The following ZDBF2 variants were observed in gnomAD, a reference collection of about 807,000 sequenced individuals.
ZDBF2 encodes zinc finger DBF-type containing 2.
In ZDBF2, 6 loss-of-function variants were observed where a neutral mutation model predicts 9.4. The ratio of observed to expected loss-of-function variants is 0.64; its 90% CI spans 0.35 to 1.27. The LOEUF (loss-of-function observed/expected upper bound fraction) is 1.27, where lower values mean the gene tolerates loss of function less well. Among genes scored for constraint, ZDBF2 ranks in the 50% most tolerant of loss-of-function variants. ZDBF2 has a pLI of 0.03. For missense variants in ZDBF2, 2,697 were observed against 2,766.8 expected (o/e 0.97, Z 0.57); for synonymous variants, 905 against 946.3 (o/e 0.96, Z 0.80).
At chr2:206,288,840 A>C (rs1401393652) in intron 3 of ZDBF2, among the ~76,000 whole-genome samples, 1 of 152,108 alleles carries the variant, frequency 6.6e-6, no homozygotes. Context: ...GTGTGGCTGC[A>C]GTTCAGAGCT....
rs1692233405 is a variant in ZDBF2 at position 206,297,281 on chromosome 2, A to G, written c.96A>G (p.Arg32=). 1.0e-5 allele frequency: 16 copies of G among 1,557,394 alleles called. No homozygotes were observed. The highest frequency in any genetic ancestry group is 1.4e-5 in the African/African-American group (1 of 73,810). Residue 32 remains arginine, a synonymous_variant, in exon 4 of 5, where the codon AGA becomes AGG. Transcript: ENST00000374423. ...LFSAQHRSLT[R]QSRRQICTSS... is the part of the protein sequence containing the mutation. ...GTGCTCAGCACAGGAGTTTGACCAG[A>G]CAGAGTAGACGTCAAATATGTACCA...
At chr2:206,299,119 A>T (rs531196720) in intron 4 of ZDBF2, among the ~76,000 whole-genome samples, 4 of 151,916 alleles carry the variant, frequency 2.6e-5, no homozygotes, top group African/African-American at 9.6e-5. Flanking sequence ...GACCTCAGGT[A>T]ATCTGCCTGC....
rs758097627 is a variant in ZDBF2 at position 206,305,896 on chromosome 2, C to T, written c.1368C>T (p.Asp456=). The change falls in exon 5 of 5, where the codon GAC becomes GAT. Residue 456 remains aspartate (D), a synonymous_variant. Transcript: ENST00000374423. ...CTAAAATAAGTTCTGATTGTGATGA[C>T]ATTCTTCACTTGGTTACCAACCAAT... The part of the protein sequence containing the change: ...YVSKISSDCD[D]ILHLVTNQSQ... The T allele has an allele frequency of 5.0e-6, 8 of 1,613,150 alleles. No individual in the cohort carries two copies. The Admixed American group carries it at 1.2e-4, about 24-fold the overall frequency.
intron 3 of ZDBF2, among the ~76,000 whole-genome samples, chr2:206,289,314 C>T (rs1691764681): frequency 6.6e-6 from 1 of 152,094 alleles, no homozygotes; most frequent in African/African-American, 2.4e-5. Context: ...TGTGACTACT[C>T]TGAATATGTA....
rs12620573 is a variant in ZDBF2 at position 206,296,294 on chromosome 2, T to A, written c.61-952T>A. ...TGAAATCCTTCGCTGCCACTCATTG[T>A]CCCACTCAGGACATGAATCATCCAT... On this transcript the variant is annotated intron_variant, in intron 3 of 4. Transcript: ENST00000374423. Among the ~76,000 whole-genome samples the A allele has an allele frequency of 2.0e-4, 31 of 152,348 alleles. 1 individual carries two copies. In the East Asian group the frequency reaches 5.8e-3, roughly 28 times the overall value.
chr2:206,304,683 AAT>A (rs1389239243), intron 4 of ZDBF2, 32 bp from the exon 5 acceptor site: 2 of 1,558,442 alleles, frequency 1.3e-6, no homozygotes, highest in African/African-American at 2.7e-5. Context: ...CAGACATTAG[AAT>A]ATGTTTATGA....
Position 206,301,114 on chromosome 2 carries a change from T to A in ZDBF2, c.189-3603T>A, listed in dbSNP as rs375184358. On this transcript the variant is annotated intron_variant, in intron 4 of 4. Coordinates refer to ENST00000374423, the MANE Select transcript of ZDBF2 (RefSeq NM_020923.3). ...CATATTATCTATTTTCAGGTAGAAC[T>A]TTTTTGTATACTGATTGGCCATATT... 1.9e-4 allele frequency among the ~76,000 whole-genome samples: 29 copies of A among 152,292 alleles called. No homozygotes were observed. In the South Asian group the frequency reaches 6.0e-3, roughly 32 times the overall value.
At chr2:206,288,762 C>T (rs1258864726) in intron 3 of ZDBF2, among the ~76,000 whole-genome samples, 1 of 152,120 alleles carries the variant, frequency 6.6e-6, no homozygotes, top group Non-Finnish European at 1.5e-5. Context: ...CCCTGAAGGG[C>T]AGGGCACAGC....
At chr2:206,292,264 C>G (rs73052138) in intron 3 of ZDBF2, 3 of 391,850 alleles carry the variant, frequency 7.7e-6, no homozygotes, top group Admixed American at 8.9e-5. Flanking sequence ...TAATTTTAGG[C>G]GTTGACAGTT....
Position 206,314,282 on chromosome 2 carries a change from G to GTTTTTTTTTTAT in ZDBF2, c.*2691_*2692insTTTTTTTTATTT, listed in dbSNP as rs1693304363. ...GTAACACTTTTTTTTTTTTTTTTTG[G>GTTTTTTTTTTAT]TTAAAGAAAAGCTATATTTAAATAT... On this transcript the variant is annotated 3_prime_UTR_variant, in exon 5 of 5. Coordinates refer to ENST00000374423, the MANE Select transcript of ZDBF2 (RefSeq NM_020923.3). 1.5e-5 allele frequency: 1 copy of GTTTTTTTTTTAT among 68,086 alleles called. No homozygotes were observed. The highest frequency in any genetic ancestry group is 3.6e-5 in the Non-Finnish European group (1 of 28,128). 4.2% of individuals were successfully genotyped at this position (68,086 alleles called of 1,614,324 possible).
In ZDBF2 at chr2:206,305,964, A is replaced by C. The variant is rs748183315; in HGVS notation, c.1436A>C (p.His479Pro). ...VKEISLQNARHISLVDQSYES... is the reference protein window; with the variant it reads ...VKEISLQNARPISLVDQSYES... The stretch of plus-strand genomic sequence containing the variant: ...GAAATAAGTCTTCAGAATGCAAGGC[A>C]TATTAGCCTGGTTGACCAAAGCTAT... The change falls in exon 5 of 5, where the codon CAT becomes CCT. Residue 479 changes from histidine (H) to proline (P), a missense_variant. By Grantham distance (77) the His-to-Pro change is moderately conservative. Transcript: ENST00000374423. The C allele has an allele frequency of 1.2e-6, 2 of 1,613,426 alleles. No homozygotes were observed. Among genetic ancestry groups the C allele is most frequent in the Non-Finnish European group, 1.7e-6 (2 of 1,179,614 alleles).
chr2:206,288,464 G>A (rs60051733), intron 3 of ZDBF2, among the ~76,000 whole-genome samples: 1,813 of 152,320 alleles, frequency 0.012, 48 homozygotes, highest in African/African-American at 0.041. Flanking sequence ...TTTTCATTAC[G>A]ATGGGGAGAC....
intron 3 of ZDBF2, among the ~76,000 whole-genome samples, chr2:206,287,238 T>C (rs1409474006): frequency 6.6e-6 from 1 of 152,212 alleles, no homozygotes; most frequent in Non-Finnish European, 1.5e-5. Context: ...TAGGACTCCT[T>C]TGAGCATTTC....
intron 4 of ZDBF2, among the ~76,000 whole-genome samples, chr2:206,299,341 C>T (rs891121802): frequency 2.0e-5 from 3 of 152,060 alleles, no homozygotes; most frequent in African/African-American, 4.8e-5. Flanking sequence ...ATTCTTGGAT[C>T]ACCTTCCCCT....
rs760869684 is a variant in ZDBF2 at position 206,306,485 on chromosome 2, A to G, written c.1957A>G (p.Asn653Asp). Residue 653 changes from asparagine to aspartate, a missense_variant, in exon 5 of 5, where the codon AAT becomes GAT. Coordinates refer to ENST00000374423, the MANE Select transcript of ZDBF2 (RefSeq NM_020923.3). The stretch of plus-strand genomic sequence containing the variant: ...AAAGATAAATCTTCTGAAGGAGAAG[A>G]ATGCTGACCTTATGGATATGAACTG... ...VEKINLLKEK[N>D]ADLMDMNCES... 6.2e-7 allele frequency: 1 copy of G among 1,613,842 alleles called. No homozygotes were observed. The highest frequency in any genetic ancestry group is 1.1e-5 in the South Asian group (1 of 91,082).
chr2:206,311,677 G>T lies in ZDBF2; in HGVS notation c.*84G>T. On this transcript the variant is annotated 3_prime_UTR_variant, in exon 5 of 5. Coordinates refer to ENST00000374423, the MANE Select transcript of ZDBF2 (RefSeq NM_020923.3). ...GTACTTTGTGCACACAGCTTTCCCA[G>T]CTTTGGTGAGAAAACTAATCTTGAA... 1 of 1,274,668 alleles carries T rather than the reference G, an allele frequency of 7.8e-7. No homozygotes were observed. Among genetic ancestry groups the T allele is most frequent in the Non-Finnish European group, 1.0e-6 (1 of 988,926 alleles). The allele number at this position is 1,274,668 out of a possible 1,614,324, so 79.0% of individuals were successfully genotyped here.
intron 3 of ZDBF2, among the ~76,000 whole-genome samples, chr2:206,293,280 G>A (rs1222769367): frequency 3.9e-5 from 6 of 152,128 alleles, no homozygotes; most frequent in East Asian, 3.9e-4. Flanking sequence ...CTTTATTGCC[G>A]AATCACCCTG....
At chr2:206,302,049 G>C (rs1250116810) in intron 4 of ZDBF2, among the ~76,000 whole-genome samples, 1 of 151,628 alleles carries the variant, frequency 6.6e-6, no homozygotes, top group Non-Finnish European at 1.5e-5. Context: ...TCACTCTGTG[G>C]CCCAGGCTGG....
In ZDBF2 at chr2:206,309,343, C is replaced by T. The variant is rs765625581; in HGVS notation, c.4815C>T (p.Asn1605=). 8.7e-5 allele frequency: 141 copies of T among 1,612,800 alleles called. No homozygotes were observed. The highest frequency in any genetic ancestry group is 1.2e-4 in the Non-Finnish European group (138 of 1,179,542). Residue 1605 remains asparagine (N), a synonymous_variant, in exon 5 of 5, where the codon AAC becomes AAT. Coordinates refer to ENST00000374423, the MANE Select transcript of ZDBF2 (RefSeq NM_020923.3). ...GCAAAGAGACTTTCAAAATAATAAACCGGAAGAAGGACTATATTATTCTGG... is the reference window on the plus strand; with the variant it reads ...GCAAAGAGACTTTCAAAATAATAAATCGGAAGAAGGACTATATTATTCTGG... The part of the protein sequence containing the change: ...NQCKETFKII[N]RKKDYIILGE...
Sources: allele counts gnomAD v4.1 joint callset (sites outside exome capture counted in the v4.1 genomes callset), GRCh38; gene constraint gnomAD v4.1.1; transcripts MANE v1.5; gene names NCBI Gene and HGNC (gene_info 2026-07-23, HGNC 2026-07-21).